The following PHF2 variants were observed in gnomAD, a reference collection of about 807,000 sequenced individuals.
PHF2 encodes the protein PHD finger protein 2.
A neutral mutation model predicts 120.5 loss-of-function variants in PHF2; 27 were observed. The ratio of observed to expected loss-of-function variants is 0.22; its 90% CI spans 0.17 to 0.31. The LOEUF (loss-of-function observed/expected upper bound fraction) is 0.31, where lower values mean the gene tolerates loss of function less well. Among genes scored for constraint, PHF2 ranks in the 10% least tolerant of loss-of-function variants. The probability of loss-of-function intolerance (pLI) is 1.00; values close to 1 mark genes in which losing one functional copy is unlikely to be tolerated. For synonymous variants in PHF2, 568 were observed against 592.5 expected, an observed-to-expected ratio of 0.96 and a Z score of 0.60; for missense variants, 1,024 against 1,434.8, an observed-to-expected ratio of 0.71 and a Z score of 4.63.
rs55647503 is a variant in PHF2, at chr9:93,627,492, A to ATTTTTTTTTTTTTTTTTTTTTTTTTTTTT, written c.99-2462_99-2461insTTTTTTTTTTTTTTTTTTTTTTTTTTTTT. ...CAATTCAGACTCCTTTTATTTCAGG[A>ATTTTTTTTTTTTTTTTTTTTTTTTTTTTT]TTTTTTTTTTTTTTTTGTCTAATTG... On this transcript the variant is annotated intron_variant, in intron 1 of 21. Coordinates refer to ENST00000359246, the MANE Select transcript of PHF2 (RefSeq NM_005392.4). 4.2e-4 allele frequency among the ~76,000 whole-genome samples: 45 copies of ATTTTTTTTTTTTTTTTTTTTTTTTTTTTT among 108,128 alleles called. 1 individual carries two copies. The highest frequency in any genetic ancestry group is 6.0e-4 in the African/African-American group (16 of 26,548). 70.9% of individuals were successfully genotyped at this position (108,128 alleles called of 152,430 possible).
chr9:93,589,687 A>G (rs1276597562), intron 1 of PHF2, among the ~76,000 whole-genome samples: 1 of 152,220 alleles, frequency 6.6e-6, no homozygotes, highest in East Asian at 1.9e-4. Flanking sequence ...TATTTTGCAA[A>G]CAGAACATTA....
chr9:93,668,407 G>C (rs969328047), intron 17 of PHF2, among the ~76,000 whole-genome samples: 3 of 152,156 alleles, frequency 2.0e-5, no homozygotes, highest in Non-Finnish European at 2.9e-5. Flanking sequence ...GAAGAAGTAT[G>C]CACTAGCTGA....
chr9:93,638,194 C>G (rs1202285866), intron 3 of PHF2, among the ~76,000 whole-genome samples: 4 of 151,726 alleles, frequency 2.6e-5, no homozygotes, highest in Admixed American at 2.6e-4. Flanking sequence ...GCCCCATTAC[C>G]TGATATATGA....
At chr9:93,597,660 G>A (rs1446574249) in intron 1 of PHF2, among the ~76,000 whole-genome samples, 1 of 152,168 alleles carries the variant, frequency 6.6e-6, no homozygotes, top group Non-Finnish European at 1.5e-5. Flanking sequence ...GGAGGAGCCT[G>A]GTGTAGTCCT....
intron 2 of PHF2, among the ~76,000 whole-genome samples, chr9:93,631,769 TG>T (rs1826005782): frequency 6.6e-6 from 1 of 150,408 alleles, no homozygotes; most frequent in South Asian, 2.1e-4. Flanking sequence ...GGTGCTTTCC[TG>T]GGGGGTAGGA....
At chr9:93,586,714 T>G (rs753231143) in intron 1 of PHF2, among the ~76,000 whole-genome samples, 1 of 152,270 alleles carries the variant, frequency 6.6e-6, no homozygotes, top group Non-Finnish European at 1.5e-5. Flanking sequence ...TCCTTGTTCA[T>G]GAGCGAGCAC....
Position 93,676,773 on chromosome 9 carries a change from G to A in PHF2, c.3012G>A (p.Ser1004=), listed in dbSNP as rs760792424. 12 of 1,548,192 alleles carry A rather than the reference G, an allele frequency of 7.8e-6. No individual in the cohort carries two copies. The highest frequency in any genetic ancestry group is 4.9e-5 in the East Asian group (2 of 40,856). The part of the protein sequence containing the change: ...ASTSTASSQA[S]QEGSSPEPPP... ...CCAGCACGGCCAGCAGCCAGGCCTC[G>A]CAGGAGGGCAGCTCGCCAGAGCCCC... The change falls in exon 21 of 22, where the codon TCG becomes TCA. Residue 1004 remains serine, a synonymous_variant. Coordinates refer to ENST00000359246, the MANE Select transcript of PHF2 (RefSeq NM_005392.4).
At chr9:93,648,018 C>T (rs1320274718) in intron 4 of PHF2, among the ~76,000 whole-genome samples, 4 of 152,148 alleles carry the variant, frequency 2.6e-5, no homozygotes, top group Admixed American at 6.5e-5. Context: ...ACAGTAATTC[C>T]TTGGTGGCAC....
At chr9:93,660,992 C>G (rs1473605262) in intron 12 of PHF2, among the ~76,000 whole-genome samples, 1 of 151,692 alleles carries the variant, frequency 6.6e-6, no homozygotes, top group Non-Finnish European at 1.5e-5. Flanking sequence ...CAAAGAAGCC[C>G]TGGGTCCTCC....
chr9:93,654,723 G>T (rs544409728), intron 7 of PHF2, 148 bp downstream of exon 7: 2 of 827,292 alleles, frequency 2.4e-6, no homozygotes, highest in Non-Finnish European at 2.0e-6. Context: ...ATATGAAGTG[G>T]AAAGGAGGTT....
intron 6 of PHF2, 74 bp downstream of exon 6, chr9:93,653,439 A>G (rs1826403005): frequency 6.8e-7 from 1 of 1,480,928 alleles, no homozygotes; most frequent in South Asian, 1.2e-5. Flanking sequence ...TGCAGTCCCC[A>G]CAAGCCCTGA....
chr9:93,661,732 T>TGAGTGGATGGATGGAC (rs1250311400), intron 12 of PHF2, among the ~76,000 whole-genome samples: 4 of 150,790 alleles, frequency 2.7e-5, no homozygotes, highest in African/African-American at 9.8e-5. Context: ...GATGGATGGA[T>TGAGTGGATGGATGGAC]GAGTGGGTAG....
At chr9:93,661,234 A>G (rs1429512328) in intron 12 of PHF2, among the ~76,000 whole-genome samples, 1 of 152,134 alleles carries the variant, frequency 6.6e-6, no homozygotes, top group East Asian at 1.9e-4. Context: ...CTGAAGCACC[A>G]TTGAGTGTGA....
intron 1 of PHF2, among the ~76,000 whole-genome samples, chr9:93,591,100 G>A (rs1825209964): frequency 6.6e-6 from 1 of 152,110 alleles, no homozygotes; most frequent in African/African-American, 2.4e-5. Context: ...GCCCTGTCAT[G>A]GGGGCCAGCA....
intron 4 of PHF2, among the ~76,000 whole-genome samples, chr9:93,648,312 T>C (rs1470616920): frequency 2.0e-5 from 3 of 152,260 alleles, no homozygotes; most frequent in African/African-American, 7.2e-5. Flanking sequence ...AGAGGCTTGC[T>C]TGACTTGCCT....
intron 1 of PHF2, among the ~76,000 whole-genome samples, chr9:93,628,808 G>A (rs907176334): frequency 6.6e-6 from 1 of 152,154 alleles, no homozygotes; most frequent in South Asian, 2.1e-4. Context: ...TCTTGTGGGA[G>A]TTGTCTGGAC....
chr9:93,637,801 G>C (rs762980193), intron 3 of PHF2, among the ~76,000 whole-genome samples: 5 of 152,122 alleles, frequency 3.3e-5, no homozygotes, highest in Admixed American at 6.6e-5. Flanking sequence ...ATTGTTTTAG[G>C]AGTGGAATTG....
At chr9:93,670,782 G>A (rs1826767191) in intron 17 of PHF2, among the ~76,000 whole-genome samples, 1 of 152,200 alleles carries the variant, frequency 6.6e-6, no homozygotes. Context: ...GGAAGGAGGG[G>A]AGCCAGTGTA....
intron 19 of PHF2, among the ~76,000 whole-genome samples, chr9:93,675,429 G>A (rs1014289037): frequency 3.3e-5 from 5 of 152,226 alleles, no homozygotes; most frequent in Admixed American, 2.0e-4. Context: ...ACCCTCACCC[G>A]CCTGCCCAGA....
Sources: allele counts gnomAD v4.1 joint callset (sites outside exome capture counted in the v4.1 genomes callset), GRCh38; gene constraint gnomAD v4.1.1; transcripts MANE v1.5; gene names NCBI Gene and HGNC (gene_info 2026-07-23, HGNC 2026-07-21).